The following PIK3C3 variants were observed in gnomAD, a reference collection of about 807,000 sequenced individuals.
The protein encoded by PIK3C3 is phosphatidylinositol 3-kinase catalytic subunit type 3.
A neutral mutation model predicts 126.1 loss-of-function variants in PIK3C3; 95 were observed. That is an observed-to-expected ratio of 0.75 (90% confidence interval 0.64 to 0.89). The LOEUF (loss-of-function observed/expected upper bound fraction) is 0.89. Ranked by LOEUF, PIK3C3 falls within the 40% of genes least tolerant of loss-of-function variation. The probability of loss-of-function intolerance (pLI) is 0.00; values close to 1 mark genes in which losing one functional copy is unlikely to be tolerated. For synonymous variants in PIK3C3, 374 were observed against 360.0 expected, an observed-to-expected ratio of 1.04 and a Z score of -0.44; for missense variants, 829 against 1,063.2, an observed-to-expected ratio of 0.78 and a Z score of 3.06.
chr18:42,021,090 T>C (rs1321245500), intron 13 of PIK3C3, among the ~76,000 whole-genome samples: 3 of 152,216 alleles, frequency 2.0e-5, no homozygotes, highest in African/African-American at 7.2e-5. Context: ...AATTAAAAGT[T>C]ACCTTATGGC....
intron 9 of PIK3C3, among the ~76,000 whole-genome samples, chr18:42,004,017 T>C (rs941218119): frequency 4.6e-5 from 7 of 152,206 alleles, no homozygotes; most frequent in African/African-American, 1.7e-4. Flanking sequence ...TAAGGCATCT[T>C]AGAGTTCGTG....
intron 11 of PIK3C3, among the ~76,000 whole-genome samples, chr18:42,014,451 A>G (rs901127237): frequency 6.6e-5 from 10 of 152,200 alleles, no homozygotes; most frequent in Non-Finnish European, 1.3e-4. Context: ...TCGTGTTACA[A>G]CTGTCCTCTG....
intron 7 of PIK3C3, 131 bp from the exon 8 acceptor site, chr18:41,995,759 T>G (rs1480592936): frequency 1.5e-6 from 1 of 663,326 alleles, no homozygotes; most frequent in African/African-American, 1.8e-5. Context: ...TGTAGAAGAC[T>G]GCTAAAGTTG....
At chr18:42,011,464 C>T (rs1490235310) in intron 10 of PIK3C3, among the ~76,000 whole-genome samples, 2 of 152,172 alleles carry the variant, frequency 1.3e-5, no homozygotes, top group Non-Finnish European at 2.9e-5. Context: ...TTTTCTTTTG[C>T]AGTTTCCTCA....
intron 4 of PIK3C3, among the ~76,000 whole-genome samples, chr18:41,979,291 CAG>C (rs1034001142): frequency 2.6e-5 from 4 of 152,110 alleles, no homozygotes; most frequent in Non-Finnish European, 5.9e-5. Context: ...AGTTGTAAGG[CAG>C]AGATTGCCTT....
In PIK3C3 at chr18:42,004,449, G is replaced by C; in HGVS notation, c.1078G>C (p.Val360Leu). 1 of 1,613,626 alleles carries C rather than the reference G, an allele frequency of 6.2e-7. No homozygotes were observed. The highest frequency in any genetic ancestry group is 8.5e-7 in the Non-Finnish European group (1 of 1,179,638). The change falls in exon 10 of 25, where the codon GTA (valine) becomes CTA (leucine). Residue 360 changes from valine (V) to leucine (L), a missense_variant. Physicochemically the swap from Val to Leu is conservative, Grantham distance 32. Coordinates refer to ENST00000262039, the MANE Select transcript of PIK3C3 (RefSeq NM_002647.4). Reference protein sequence around the residue: ...ELLGKWKPMDVEDSLELLSSH... With the variant: ...ELLGKWKPMDLEDSLELLSSH... ...TCTGGGAAAATGGAAGCCGATGGAT[G>C]TAGAGGACTCCTTGGAGCTGTTATC... is the stretch of plus-strand genomic sequence containing the variant.
rs756850320 is a variant in PIK3C3 at position 41,957,723 on chromosome 18, G to GAGA, written c.224_226dup (p.Arg75dup). 1 of 1,613,298 alleles carries GAGA rather than the reference G, an allele frequency of 6.2e-7. No individual in the cohort carries two copies. The highest frequency in any genetic ancestry group is 8.5e-7 in the Non-Finnish European group (1 of 1,179,714). On this transcript the variant is annotated inframe_insertion, in exon 2 of 25. Coordinates refer to ENST00000262039, the MANE Select transcript of PIK3C3 (RefSeq NM_002647.4). ...AAGGGAAGCCTTTGGCCTTGCCAGT[G>GAGA]AGAACATCCTACAAAGCATTTAGTA...
chr18:42,032,980 A>T (rs1983897870), intron 15 of PIK3C3, among the ~76,000 whole-genome samples: 1 of 152,110 alleles, frequency 6.6e-6, no homozygotes, highest in African/African-American at 2.4e-5. Context: ...AGGCTTACCC[A>T]GCAGCACAAA....
intron 4 of PIK3C3, among the ~76,000 whole-genome samples, chr18:41,985,496 A>C (rs1981425474): frequency 2.6e-5 from 4 of 152,100 alleles, no homozygotes; most frequent in Admixed American, 2.0e-4. Context: ...TCGGTTTTGC[A>C]CTCAACAATA....
chr18:41,985,206 G>T (rs1981407661), intron 4 of PIK3C3: 1 of 152,088 alleles, frequency 6.6e-6, no homozygotes, highest in African/African-American at 2.4e-5. Flanking sequence ...TTATTTAAAT[G>T]TCTCTCAAGA....
chr18:42,010,266 A>G (rs1193689936), intron 10 of PIK3C3, among the ~76,000 whole-genome samples: 1 of 152,212 alleles, frequency 6.6e-6, no homozygotes, highest in Non-Finnish European at 1.5e-5. Flanking sequence ...TTCAAGTTTT[A>G]GCATGAGATT....
intron 21 of PIK3C3, chr18:42,052,857 T>C (rs933661707): frequency 6.6e-6 from 1 of 152,182 alleles, no homozygotes; most frequent in Admixed American, 6.5e-5. Flanking sequence ...AACTTTGGGT[T>C]CTCTTACATA....
chr18:41,989,465 T>C (rs1308742589), intron 5 of PIK3C3, among the ~76,000 whole-genome samples: 1 of 152,176 alleles, frequency 6.6e-6, no homozygotes, highest in African/African-American at 2.4e-5. Context: ...ATCACCTTAG[T>C]ATAGTCATGT....
At chr18:42,014,667 A>G (rs761172226) in intron 11 of PIK3C3, among the ~76,000 whole-genome samples, 2 of 152,218 alleles carry the variant, frequency 1.3e-5, no homozygotes, top group Non-Finnish European at 1.5e-5. Flanking sequence ...TGTGAAGATC[A>G]TTAGGTTTGT....
chr18:41,969,677 A>T (rs764895659), intron 3 of PIK3C3, among the ~76,000 whole-genome samples: 1 of 152,234 alleles, frequency 6.6e-6, no homozygotes, highest in Non-Finnish European at 1.5e-5. Flanking sequence ...CAGCAAAAAG[A>T]CTAGTAATAG....
rs567444466 is a variant in PIK3C3, at chr18:41,959,963, T to G, written c.257+2205T>G. Among the ~76,000 whole-genome samples, 6 of 152,312 alleles carry G rather than the reference T, an allele frequency of 3.9e-5. No homozygotes were observed. In the South Asian group the frequency reaches 1.2e-3, roughly 32 times the overall value. ...TAAATAGTCCTTATTTATAAGTATT[T>G]GCTTAAAAGAGATATTCTATAAACC... On this transcript the variant is annotated intron_variant, in intron 2 of 24. Coordinates refer to ENST00000262039, the MANE Select transcript of PIK3C3 (RefSeq NM_002647.4).
chr18:41,992,691 T>C (rs1457010002), intron 6 of PIK3C3, among the ~76,000 whole-genome samples: 1 of 152,140 alleles, frequency 6.6e-6, no homozygotes, highest in Non-Finnish European at 1.5e-5. Flanking sequence ...ACTGATTGAT[T>C]GATTTTATTA....
At chr18:41,969,967 C>A (rs1374412504) in intron 3 of PIK3C3, among the ~76,000 whole-genome samples, 1 of 152,116 alleles carries the variant, frequency 6.6e-6, no homozygotes, top group African/African-American at 2.4e-5. Context: ...TGATTTTAGT[C>A]ATTGTAAATG....
chr18:42,033,782 ACTC>A (rs1983930033), intron 15 of PIK3C3, 41 bp from the exon 16 acceptor site: 1 of 1,430,650 alleles, frequency 7.0e-7, no homozygotes, highest in Non-Finnish European at 9.5e-7. Flanking sequence ...TTTATAAACT[ACTC>A]TTCTATTTTA....
Sources: allele counts gnomAD v4.1 joint callset (sites outside exome capture counted in the v4.1 genomes callset), GRCh38; gene constraint gnomAD v4.1.1; transcripts MANE v1.5; gene names NCBI Gene and HGNC (gene_info 2026-07-23, HGNC 2026-07-21).